ALCAM: variants seen among roughly 807,000 people sequenced by gnomAD.
ALCAM encodes CD166 antigen.
ALCAM carries 30 observed loss-of-function variants against 70.9 expected under a neutral mutation model. That is an observed-to-expected ratio of 0.42 (90% confidence interval 0.32 to 0.57). The LOEUF (loss-of-function observed/expected upper bound fraction) is 0.57, where lower values mean the gene tolerates loss of function less well. ALCAM is among the 20% of genes least tolerant of loss of function. The pLI is 0.11. For synonymous variants in ALCAM, 249 were observed against 242.5 expected, an observed-to-expected ratio of 1.03 and a Z score of -0.25; for missense variants, 591 against 695.1, an observed-to-expected ratio of 0.85 and a Z score of 1.68.
chr3:105,542,552 A>G (rs1438924825), intron 8 of ALCAM, among the ~76,000 whole-genome samples: 1 of 151,848 alleles, frequency 6.6e-6, no homozygotes, highest in Non-Finnish European at 1.5e-5. Context: ...GAGGTATAGT[A>G]CAAACTTCCT....
At chr3:105,485,692 T>A (rs1214599565) in intron 1 of ALCAM, among the ~76,000 whole-genome samples, 1 of 152,090 alleles carries the variant, frequency 6.6e-6, no homozygotes, top group Non-Finnish European at 1.5e-5. Flanking sequence ...GGTTTTAGAT[T>A]AAGCAATATG....
intron 1 of ALCAM, among the ~76,000 whole-genome samples, chr3:105,372,728 C>T (rs1935266266): frequency 6.6e-6 from 1 of 152,116 alleles, no homozygotes; most frequent in African/African-American, 2.4e-5. Flanking sequence ...AGAAATTAGA[C>T]AGCTGTCCAG....
intron 1 of ALCAM, among the ~76,000 whole-genome samples, chr3:105,424,929 T>C (rs1297206162): frequency 2.6e-5 from 4 of 151,796 alleles, no homozygotes; most frequent in African/African-American, 7.3e-5. Context: ...ATACATGCTA[T>C]GTGTCTGCCC....
chr3:105,424,630 A>G (rs1936745679), intron 1 of ALCAM, among the ~76,000 whole-genome samples: 1 of 151,676 alleles, frequency 6.6e-6, no homozygotes. Flanking sequence ...ATTTGAAGAC[A>G]TTGATTATAT....
intron 1 of ALCAM, among the ~76,000 whole-genome samples, chr3:105,476,595 C>T (rs886281733): frequency 1.1e-4 from 16 of 151,742 alleles, no homozygotes; most frequent in South Asian, 4.2e-4. Context: ...TATCCCTGTA[C>T]GAAAATAAAT....
intron 1 of ALCAM, among the ~76,000 whole-genome samples, chr3:105,379,982 T>A (rs1935476087): frequency 6.6e-6 from 1 of 151,782 alleles, no homozygotes; most frequent in Non-Finnish European, 1.5e-5. Flanking sequence ...CACCAAGGCA[T>A]CAAAAGAGAA....
intron 7 of ALCAM, 90 bp downstream of exon 7, chr3:105,540,192 T>C: frequency 1.5e-5 from 20 of 1,339,592 alleles, no homozygotes; most frequent in Non-Finnish European, 2.0e-5. Flanking sequence ...GAAAAAATGT[T>C]ATTGCTGGAG....
intron 1 of ALCAM, among the ~76,000 whole-genome samples, chr3:105,437,165 A>G (rs1317780177): frequency 2.0e-5 from 3 of 152,212 alleles, no homozygotes; most frequent in Non-Finnish European, 4.4e-5. Flanking sequence ...GGATTCAAAT[A>G]TTAGGTCTAA....
At chr3:105,422,707 T>A (rs1437613280) in intron 1 of ALCAM, among the ~76,000 whole-genome samples, 2 of 151,510 alleles carry the variant, frequency 1.3e-5, no homozygotes, top group African/African-American at 4.8e-5. Context: ...AACAGCTTTT[T>A]CTAACAACTT....
intron 1 of ALCAM, among the ~76,000 whole-genome samples, chr3:105,453,305 C>T (rs1254631540): frequency 2.6e-5 from 4 of 152,158 alleles, no homozygotes; most frequent in Non-Finnish European, 5.9e-5. Flanking sequence ...AGCCGGTTTT[C>T]CCAGCACCGT....
At chr3:105,443,448 ATT>A (rs2152585701) in intron 1 of ALCAM, among the ~76,000 whole-genome samples, 1 of 152,346 alleles carries the variant, frequency 6.6e-6, no homozygotes, top group Admixed American at 6.5e-5. Flanking sequence ...TGAAAAAAAT[ATT>A]GAGAACCAAT....
chr3:105,449,149 G>A (rs772468042), intron 1 of ALCAM, among the ~76,000 whole-genome samples: 1 of 152,122 alleles, frequency 6.6e-6, no homozygotes, highest in Non-Finnish European at 1.5e-5. Context: ...TGGATCCTTG[G>A]CATTAATGAT....
intron 1 of ALCAM, among the ~76,000 whole-genome samples, chr3:105,455,367 G>A (rs375254719): frequency 9.9e-5 from 15 of 151,264 alleles, no homozygotes; most frequent in African/African-American, 2.4e-4. Flanking sequence ...GTGTGAACCC[G>A]GGAGGCGGAG....
intron 1 of ALCAM, among the ~76,000 whole-genome samples, chr3:105,422,481 ATTT>A (rs1195766719): frequency 1.3e-5 from 2 of 151,188 alleles, no homozygotes; most frequent in African/African-American, 2.4e-5. Context: ...AAAGTTTCTG[ATTT>A]TTTGCATTGC....
intron 1 of ALCAM, among the ~76,000 whole-genome samples, chr3:105,455,714 ACCACCGCCTTTCCAGGCAATAACC>A (rs1937528011): frequency 6.6e-6 from 1 of 152,228 alleles, no homozygotes; most frequent in Admixed American, 6.5e-5. Flanking sequence ...CCTGCGAGCG[ACCACCGCCTTTCCAGGCAATAACC>A]CGATGACCCA....
intron 14 of ALCAM, among the ~76,000 whole-genome samples, chr3:105,563,142 G>C (rs1656757913): frequency 6.8e-6 from 1 of 146,774 alleles, no homozygotes; most frequent in Admixed American, 6.8e-5. Flanking sequence ...GATTCTTTTT[G>C]AATAAATTTT....
intron 1 of ALCAM, among the ~76,000 whole-genome samples, chr3:105,395,105 A>G (rs1280307178): frequency 6.6e-6 from 1 of 152,002 alleles, no homozygotes; most frequent in East Asian, 1.9e-4. Flanking sequence ...AAGTTAATCA[A>G]CATGTATGAT....
At chr3:105,431,711 T>C (rs1403649185) in intron 1 of ALCAM, among the ~76,000 whole-genome samples, 1 of 151,772 alleles carries the variant, frequency 6.6e-6, no homozygotes, top group Non-Finnish European at 1.5e-5. Context: ...AAGGAACGAG[T>C]CTAAGCTCTC....
chr3:105,392,555 G>T (rs905973387), intron 1 of ALCAM, among the ~76,000 whole-genome samples: 1 of 151,074 alleles, frequency 6.6e-6, no homozygotes, highest in Non-Finnish European at 1.5e-5. Flanking sequence ...TTTTTGAAGG[G>T]TTTTTTTATG....
Sources: gnomAD v4.1 joint callset for allele counts (sites outside exome capture counted in the v4.1 genomes callset) on GRCh38, gnomAD v4.1.1 for gene constraint, MANE v1.5 for transcripts, NCBI Gene and HGNC (gene_info 2026-07-23, HGNC 2026-07-21) for gene names.